Variants in PTPRD observed in about 807,000 individuals in gnomAD.
PTPRD encodes protein tyrosine phosphatase receptor type D, also known as receptor-type tyrosine-protein phosphatase delta.
A neutral mutation model predicts 214.5 loss-of-function variants in PTPRD; 34 were observed. The ratio of observed to expected loss-of-function variants is 0.16; its 90% confidence interval spans 0.12 to 0.21. PTPRD has a LOEUF of 0.21. Ranked by LOEUF, PTPRD falls within the 10% of genes least tolerant of loss-of-function variation. The pLI is 1.00. For synonymous variants in PTPRD, 1,128 were observed against 845.7 expected, an observed-to-expected ratio of 1.33 and a Z score of -5.79; for missense variants, 2,545 against 2,398.7, an observed-to-expected ratio of 1.06 and a Z score of -1.27.
chr9:9,949,218 A>G lies in PTPRD; in HGVS notation c.-471-10608T>C, dbSNP rs561794299. Among the ~76,000 whole-genome samples, 127 of 152,178 alleles carry G rather than the reference A, an allele frequency of 8.3e-4. 1 individual carries two copies. The highest frequency in any genetic ancestry group is 1.4e-3 in the Non-Finnish European group (96 of 67,984). ...AATGTTTATGAGTTTCTCATTTTTTATATTTTCCACAAAATGGTAGCCATT... is the reference window on the plus strand; with the variant it reads ...AATGTTTATGAGTTTCTCATTTTTTGTATTTTCCACAAAATGGTAGCCATT... On this transcript the variant is annotated intron_variant, in intron 4 of 45. Coordinates refer to ENST00000381196, the MANE Select transcript of PTPRD (RefSeq NM_002839.4).
intron 33 of PTPRD, chr9:8,454,445 G>A (rs1160496389): frequency 1.3e-6 from 1 of 789,928 alleles, no homozygotes; most frequent in Non-Finnish European, 2.1e-6. Flanking sequence ...TGTATATGTA[G>A]GCTTTGCCCA....
At chr9:9,678,764 G>A (rs565158570) in intron 7 of PTPRD, among the ~76,000 whole-genome samples, 21 of 151,940 alleles carry the variant, frequency 1.4e-4, no homozygotes, top group Admixed American at 7.2e-4. Flanking sequence ...TAAGACAACT[G>A]TATGTATAAA....
chr9:8,409,227 T>C (rs932987716), intron 35 of PTPRD, among the ~76,000 whole-genome samples: 1 of 152,174 alleles, frequency 6.6e-6, no homozygotes, highest in African/African-American at 2.4e-5. Flanking sequence ...TACAGTTATG[T>C]AGATGAGGAA....
At chr9:9,660,730 G>A (rs1277141087) in intron 7 of PTPRD, among the ~76,000 whole-genome samples, 2 of 152,050 alleles carry the variant, frequency 1.3e-5, no homozygotes, top group African/African-American at 4.8e-5. Context: ...CATAAACAAA[G>A]TGATTTCTAG....
At chr9:8,811,104 A>G (rs1301411122) in intron 11 of PTPRD, among the ~76,000 whole-genome samples, 2 of 152,180 alleles carry the variant, frequency 1.3e-5, no homozygotes, top group Admixed American at 6.5e-5. Flanking sequence ...GATCTGACTT[A>G]CGGCACAAAA....
rs375137966 is a variant in PTPRD at position 8,410,546 on chromosome 9, G to A, written c.4087-5886C>T. The stretch of plus-strand genomic sequence containing the variant: ...CTGATCCAGGCCAACATTAGAGTGT[G>A]AAGGATTGAAATAAAGATTTTTCAA... On this transcript the variant is annotated intron_variant, in intron 35 of 45. Transcript: ENST00000381196. Among the ~76,000 whole-genome samples, 151 of 152,290 alleles carry A rather than the reference G, an allele frequency of 9.9e-4. No individual in the cohort carries two copies. In the South Asian group the frequency reaches 0.023, roughly 23 times the overall value.
chr9:9,386,975 G>A (rs1352051689), intron 9 of PTPRD, among the ~76,000 whole-genome samples: 1 of 152,148 alleles, frequency 6.6e-6, no homozygotes, highest in Admixed American at 6.6e-5. Flanking sequence ...AAGAATTTGT[G>A]TCCTAACAGC....
At chr9:9,281,820 C>T (rs956575577) in intron 9 of PTPRD, among the ~76,000 whole-genome samples, 1 of 144,858 alleles carries the variant, frequency 6.9e-6, no homozygotes, top group Non-Finnish European at 1.5e-5. Flanking sequence ...CAGCTTTGCT[C>T]ATAATGGCAA....
At chr9:8,983,810 C>A (rs1314131285) in intron 11 of PTPRD, among the ~76,000 whole-genome samples, 1 of 152,036 alleles carries the variant, frequency 6.6e-6, no homozygotes, top group Non-Finnish European at 1.5e-5. Context: ...AGTGCCCAGC[C>A]AATTTTATAT....
intron 12 of PTPRD, among the ~76,000 whole-genome samples, chr9:8,670,416 T>C (rs1006763432): frequency 6.6e-6 from 1 of 152,150 alleles, no homozygotes; most frequent in East Asian, 1.9e-4. Context: ...TCAGCTTGAA[T>C]GTATGGATTA....
chr9:9,115,197 C>A (rs1035459477), intron 10 of PTPRD, among the ~76,000 whole-genome samples: 2 of 152,158 alleles, frequency 1.3e-5, no homozygotes, highest in East Asian at 3.9e-4. Context: ...AAGAAGGAAG[C>A]CTACAGGGCA....
intron 7 of PTPRD, among the ~76,000 whole-genome samples, chr9:9,605,441 G>A (rs1273490826): frequency 1.3e-5 from 2 of 151,918 alleles, no homozygotes; most frequent in Non-Finnish European, 2.9e-5. Flanking sequence ...CTGCTTCTAC[G>A]TATATTGTCA....
In PTPRD at chr9:10,567,937, TTTTTA is replaced by T. The variant is rs1016917178; in HGVS notation, c.-600+44456_-600+44460del. On this transcript the variant is annotated intron_variant, in intron 2 of 45. Coordinates refer to ENST00000381196, the MANE Select transcript of PTPRD (RefSeq NM_002839.4). ...ATTGTTTTATTTTTTATTTTTTTAT[TTTTTA>T]TTTTATTTATTTGTTATTTTTTAAA... is the stretch of plus-strand genomic sequence containing the variant. Among the ~76,000 whole-genome samples, 512 of 151,464 alleles carry T rather than the reference TTTTTA, an allele frequency of 3.4e-3. 5 individuals are homozygous for T. The highest frequency in any genetic ancestry group is 0.015 in the South Asian group (74 of 4,814).
intron 7 of PTPRD, among the ~76,000 whole-genome samples, chr9:9,644,777 G>A (rs78118705): frequency 0.019 from 2,832 of 152,240 alleles, 84 homozygotes; most frequent in African/African-American, 0.065. Context: ...AACCCCACTG[G>A]CAGAGGAGCA....
intron 9 of PTPRD, among the ~76,000 whole-genome samples, chr9:9,202,506 G>C (rs768858444): frequency 1.3e-5 from 2 of 152,108 alleles, no homozygotes; most frequent in South Asian, 4.1e-4. Flanking sequence ...CAAGTTATTA[G>C]ATCCAGATGT....
intron 4 of PTPRD, among the ~76,000 whole-genome samples, chr9:9,968,654 T>G (rs2094878214): frequency 6.6e-6 from 1 of 152,134 alleles, no homozygotes; most frequent in Admixed American, 6.5e-5. Flanking sequence ...TGTCAGTTCC[T>G]TTCTTTATGA....
rs373444556 is a variant in PTPRD at position 10,134,591 on chromosome 9, C to T, written c.-544-100801G>A. Among the ~76,000 whole-genome samples the T allele has an allele frequency of 7.9e-5, 12 of 152,132 alleles. No individual in the cohort carries two copies. The South Asian group carries it at 2.5e-3, about 32-fold the overall frequency. On this transcript the variant is annotated intron_variant, in intron 3 of 45. Coordinates refer to ENST00000381196, the MANE Select transcript of PTPRD (RefSeq NM_002839.4). ...GTGAAATCCAATGCAGGAATCTAAC[C>T]ACAAATATATATCCCGTACAGATAC...
chr9:8,632,125 G>GTC (rs1316084063), intron 14 of PTPRD, among the ~76,000 whole-genome samples: 1 of 144,518 alleles, frequency 6.9e-6, no homozygotes, highest in African/African-American at 2.6e-5. Flanking sequence ...GCTTCTTTGT[G>GTC]TGTGTGTGTG....
At chr9:10,104,405 A>G (rs148541422) in intron 3 of PTPRD, among the ~76,000 whole-genome samples, 80 of 151,872 alleles carry the variant, frequency 5.3e-4, no homozygotes, top group African/African-American at 1.8e-3. Context: ...TGAACTTCCT[A>G]TATACACGAA....
Sources: gnomAD v4.1 joint callset for allele counts (sites outside exome capture counted in the v4.1 genomes callset) on GRCh38, gnomAD v4.1.1 for gene constraint, MANE v1.5 for transcripts, NCBI Gene and HGNC (gene_info 2026-07-23, HGNC 2026-07-21) for gene names.